The following SALL2 variants were observed in gnomAD, a reference collection of about 807,000 sequenced individuals.
SALL2 encodes the protein spalt like transcription factor 2, also known as sal-like protein 2.
SALL2 carries 32 observed loss-of-function variants against 58.5 expected under a neutral mutation model. That is an observed-to-expected ratio of 0.55 (90% CI 0.41 to 0.74). The LOEUF is 0.74. Ranked by LOEUF, SALL2 falls within the 30% of genes least tolerant of loss-of-function variation. SALL2 has a pLI of 0.00. For synonymous variants in SALL2, 516 were observed against 513.6 expected, an observed-to-expected ratio of 1.00 and a Z score of -0.06; for missense variants, 1,201 against 1,268.9, an observed-to-expected ratio of 0.95 and a Z score of 0.81.
chr14:21,522,101 TC>T lies in SALL2; in HGVS notation c.*602del. ...CTGTCTTCTCCTTGGCTTCCCTGGA[TC>T]CCATTGTTGGAGGCACCTTCCCAGC... On this transcript the variant is annotated 3_prime_UTR_variant, in exon 2 of 2. Transcript: ENST00000537235. 3 of 1,597,842 alleles carry T rather than the reference TC, an allele frequency of 1.9e-6. No individual in the cohort carries two copies. The highest frequency in any genetic ancestry group is 2.5e-6 in the Non-Finnish European group (3 of 1,179,638).
At chr14:21,534,047 C>T (rs934545976) in intron 1 of SALL2, among the ~76,000 whole-genome samples, 4 of 152,120 alleles carry the variant, frequency 2.6e-5, no homozygotes, top group African/African-American at 9.7e-5. Flanking sequence ...TGAATAGAAA[C>T]CCTGTCTATA....
In SALL2 at chr14:21,536,850, G is replaced by A; in HGVS notation, c.-114+112C>T. ...CCCCACCCCTCCCCAGGCACCCACC[G>A]TTCTCAGACGCGCTGGGACCTTCGC... On this transcript the variant is annotated intron_variant, in intron 1 of 1. Coordinates refer to the SALL2 transcript ENST00000541965. The A allele has an allele frequency of 1.9e-6, 3 of 1,613,780 alleles. 1 individual carries two copies. The highest frequency in any genetic ancestry group is 2.2e-5 in the South Asian group (2 of 91,066).
Position 21,524,823 on chromosome 14 carries a change from G to T in SALL2, c.899C>A (p.Pro300His). 6.2e-7 allele frequency: 1 copy of T among 1,611,256 alleles called. No homozygotes were observed. Among genetic ancestry groups the T allele is most frequent in the South Asian group, 1.1e-5 (1 of 90,674 alleles). ...TGTGCTGCCTGGCAAGGCTGGGGAA[G>T]GGGCAGGGGTGGGTTTGTGGCTTCG... Reference protein sequence around the residue: ...VGRSHKPTPAPSPALPGSTDQ... With the variant: ...VGRSHKPTPAHSPALPGSTDQ... The change falls in exon 2 of 2, where the codon CCT becomes CAT. Residue 300 changes from proline (P) to histidine (H), a missense_variant. Pro to His is a moderately conservative substitution (Grantham distance 77). Coordinates refer to ENST00000537235, the MANE Select transcript of SALL2 (RefSeq NM_001364564.1).
At chr14:21,532,675 G>T (rs1892496713) in intron 1 of SALL2, among the ~76,000 whole-genome samples, 1 of 151,712 alleles carries the variant, frequency 6.6e-6, no homozygotes, top group Non-Finnish European at 1.5e-5. Flanking sequence ...AATAATAAGG[G>T]AGTTGGGGCT....
chr14:21,526,266 G>C lies in SALL2; in HGVS notation c.-139C>G, dbSNP rs958510238. 1 of 1,446,482 alleles carries C rather than the reference G, an allele frequency of 6.9e-7. No individual in the cohort carries two copies. Among genetic ancestry groups the C allele is most frequent in the Admixed American group, 2.7e-5 (1 of 37,620 alleles). The allele number at this position is 1,446,482 out of a possible 1,614,324, so 89.6% of individuals were successfully genotyped here. A position where few individuals can be genotyped will look rare whatever the true frequency, so the allele number is the denominator to read the frequency against. ...GGAGATGGAGATCGGCAGCGGCGGGGGCAGGGAGCAGCGGCGGAGGGGGAG... is the reference window on the plus strand; with the variant it reads ...GGAGATGGAGATCGGCAGCGGCGGGCGCAGGGAGCAGCGGCGGAGGGGGAG... On this transcript the variant is annotated 5_prime_UTR_variant, in exon 1 of 2. Transcript: ENST00000537235.
At chr14:21,526,007 C>A in intron 1 of SALL2, 54 bp downstream of exon 1, 1 of 1,053,052 alleles carries the variant, frequency 9.5e-7, no homozygotes, top group South Asian at 1.3e-5. Context: ...TTCGCCGCCC[C>A]TGCGCATCCC....
chr14:21,528,218 GA>G (rs1892375981), upstream of SALL2, among the ~76,000 whole-genome samples: 1 of 151,836 alleles, frequency 6.6e-6, no homozygotes, highest in African/African-American at 2.4e-5. Context: ...TTTAATCAAT[GA>G]GATAATTTAC....
Position 21,522,665 on chromosome 14 carries a change from C to G in SALL2, c.*39G>C. 1 of 1,507,382 alleles carries G rather than the reference C, an allele frequency of 6.6e-7. No homozygotes were observed. Among genetic ancestry groups the G allele is most frequent in the Non-Finnish European group, 8.9e-7 (1 of 1,129,340 alleles). 93.4% of individuals were successfully genotyped at this position (1,507,382 alleles called of 1,614,324 possible). ...AGGTCCTTTTGTGAAGCTGTTTCTGCTCTGTGGGACAAAGAGCAGCAGGTA... is the reference window on the plus strand; with the variant it reads ...AGGTCCTTTTGTGAAGCTGTTTCTGGTCTGTGGGACAAAGAGCAGCAGGTA... On this transcript the variant is annotated 3_prime_UTR_variant, in exon 2 of 2. Coordinates refer to ENST00000537235, the MANE Select transcript of SALL2 (RefSeq NM_001364564.1).
chr14:21,522,376 G>T lies in SALL2; in HGVS notation c.*328C>A. Reference sequence around the variant, plus strand: ...CAATGCCAAATGTAGGTGCTCAGGTGCACCTACCAAAGGGAAAGGGAGAGG... The same window carrying T: ...CAATGCCAAATGTAGGTGCTCAGGTTCACCTACCAAAGGGAAAGGGAGAGG... On this transcript the variant is annotated 3_prime_UTR_variant, in exon 2 of 2. Coordinates refer to ENST00000537235, the MANE Select transcript of SALL2 (RefSeq NM_001364564.1). 7.0e-7 allele frequency: 1 copy of T among 1,432,884 alleles called. No individual in the cohort carries two copies. Among genetic ancestry groups the T allele is most frequent in the Non-Finnish European group, 9.1e-7 (1 of 1,096,616 alleles). 88.8% of individuals were successfully genotyped at this position (1,432,884 alleles called of 1,614,324 possible). A position where few individuals can be genotyped will look rare whatever the true frequency, so the allele number is the denominator to read the frequency against.
At position 21,522,408 on chromosome 14, in the gene SALL2, G is replaced by A. The variant is rs996800460; in HGVS notation, c.*296C>T. ...CCAAAGGGAAAGGGAGAGGAGAGAG[G>A]AGGGGGAAGAAGGGTCACACCAGGG... On this transcript the variant is annotated 3_prime_UTR_variant, in exon 2 of 2. Coordinates refer to ENST00000537235, the MANE Select transcript of SALL2 (RefSeq NM_001364564.1). 4.9e-6 allele frequency: 7 copies of A among 1,415,700 alleles called. No homozygotes were observed. Among genetic ancestry groups the A allele is most frequent in the African/African-American group, 4.3e-5 (3 of 69,348 alleles). The allele number at this position is 1,415,700 out of a possible 1,614,324, so 87.7% of individuals were successfully genotyped here.
chr14:21,536,837 C>G, intron 1 of SALL2: 2 of 1,613,758 alleles, frequency 1.2e-6, no homozygotes, highest in African/African-American at 1.3e-5. Flanking sequence ...CCACCCCTCC[C>G]CAGGCACCCA....
rs1468469716 is a variant in SALL2, at chr14:21,521,984, G to A, written c.*720C>T. 1.9e-6 allele frequency: 3 copies of A among 1,539,522 alleles called. No individual in the cohort carries two copies. The highest frequency in any genetic ancestry group is 2.4e-5 in the East Asian group (1 of 42,192). Reference sequence around the variant, plus strand: ...GTACCGGCACCTTCTGGAGCAGGGGGAGGAAGAAGGAATGTACAGTTTGCT... The same window carrying A: ...GTACCGGCACCTTCTGGAGCAGGGGAAGGAAGAAGGAATGTACAGTTTGCT... On this transcript the variant is annotated 3_prime_UTR_variant, in exon 2 of 2. Coordinates refer to ENST00000537235, the MANE Select transcript of SALL2 (RefSeq NM_001364564.1).
At position 21,522,626 on chromosome 14, in the gene SALL2, C is replaced by G; in HGVS notation, c.*78G>C. On this transcript the variant is annotated 3_prime_UTR_variant, in exon 2 of 2. Transcript: ENST00000537235. ...CTTAGAGAAAAAGACAAAATCAGGG[C>G]TCATAACTCTGGGAGGTCCTTTTGT... 3 of 1,489,124 alleles carry G rather than the reference C, an allele frequency of 2.0e-6. No homozygotes were observed. The highest frequency in any genetic ancestry group is 3.0e-5 in the South Asian group (2 of 67,220). 92.2% of individuals were successfully genotyped at this position (1,489,124 alleles called of 1,614,324 possible).
intron 1 of SALL2, among the ~76,000 whole-genome samples, chr14:21,531,729 C>T (rs1430818772): frequency 4.7e-5 from 5 of 105,892 alleles, no homozygotes; most frequent in Admixed American, 1.0e-4. Context: ...TTTTTTGAGA[C>T]GGAGTCTCGC....
chr14:21,529,913 A>G (rs1035282761), upstream of SALL2, among the ~76,000 whole-genome samples: 3 of 152,194 alleles, frequency 2.0e-5, no homozygotes, highest in Admixed American at 6.5e-5. Flanking sequence ...GGTGATTCCA[A>G]TGAGAATACA....
At chr14:21,534,208 A>G (rs991086908) in intron 1 of SALL2, among the ~76,000 whole-genome samples, 2 of 152,230 alleles carry the variant, frequency 1.3e-5, no homozygotes, top group African/African-American at 4.8e-5. Context: ...AATTTTAGAT[A>G]CGATCAAATA....
chr14:21,526,483 C>T (rs1892319958), upstream of SALL2: 2 of 1,258,382 alleles, frequency 1.6e-6, no homozygotes, highest in Non-Finnish European at 2.0e-6. Flanking sequence ...TTTCCGGAGG[C>T]GCAGTGACAG....
chr14:21,526,542 T>A, upstream of SALL2: 1 of 1,098,904 alleles, frequency 9.1e-7, no homozygotes, highest in African/African-American at 1.7e-5. Context: ...CCTGGCCAGC[T>A]CCCCCCATCT....
rs977314398 is a variant in SALL2 at position 21,526,302 on chromosome 14, A to C, written c.-175T>G. On this transcript the variant is annotated 5_prime_UTR_variant, in exon 1 of 2. Coordinates refer to ENST00000537235, the MANE Select transcript of SALL2 (RefSeq NM_001364564.1). Reference sequence around the variant, plus strand: ...GCGGCGGAGGGGGAGGGGAGCGAGGAGGCGGGGAGAAGCTGGAGTGAGAAA... The same window carrying C: ...GCGGCGGAGGGGGAGGGGAGCGAGGCGGCGGGGAGAAGCTGGAGTGAGAAA... The C allele has an allele frequency of 6.6e-5, 93 of 1,403,154 alleles. No homozygotes were observed. The highest frequency in any genetic ancestry group is 8.2e-5 in the Non-Finnish European group (89 of 1,080,800). 86.9% of individuals were successfully genotyped at this position (1,403,154 alleles called of 1,614,324 possible).
Sources: gnomAD v4.1 joint callset for allele counts (sites outside exome capture counted in the v4.1 genomes callset) on GRCh38, gnomAD v4.1.1 for gene constraint, MANE v1.5 for transcripts, NCBI Gene and HGNC (gene_info 2026-07-23, HGNC 2026-07-21) for gene names.